Variants in PDE8A observed in about 807,000 individuals in gnomAD.
PDE8A encodes the protein phosphodiesterase 8A, also known as high affinity cAMP-specific and IBMX-insensitive 3',5'-cyclic phosphodiesterase 8A.
A neutral mutation model predicts 105.0 loss-of-function variants in PDE8A; 59 were observed. The observed-to-expected ratio is 0.56, with a 90% CI of 0.46 to 0.70. The LOEUF is 0.70. PDE8A is among the 30% of genes least tolerant of loss of function. PDE8A has a pLI of 0.00. For synonymous variants in PDE8A, 355 were observed against 371.9 expected (o/e 0.95, Z 0.52); for missense variants, 1,014 against 1,045.9 (o/e 0.97, Z 0.42).
chr15:85,034,545 C>G (rs2080671300), intron 1 of PDE8A, among the ~76,000 whole-genome samples: 1 of 152,104 alleles, frequency 6.6e-6, no homozygotes, highest in Admixed American at 6.5e-5. Context: ...GAGTGCTGTT[C>G]CCTCATCGTT....
At chr15:85,076,408 TAAAAA>T (rs772331817) in intron 4 of PDE8A, among the ~76,000 whole-genome samples, 1 of 148,100 alleles carries the variant, frequency 6.8e-6, no homozygotes, top group African/African-American at 2.5e-5. Context: ...AGAAAGGAAT[TAAAAA>T]AAAAACCTGG....
rs929128427 is a variant in PDE8A, at chr15:85,042,623, A to T, written c.187-21747A>T. Among the ~76,000 whole-genome samples, 6 of 152,212 alleles carry T rather than the reference A, an allele frequency of 3.9e-5. 1 individual carries two copies. Among genetic ancestry groups the T allele is most frequent in the South Asian group, 2.1e-4 (1 of 4,828 alleles). On this transcript the variant is annotated intron_variant, in intron 1 of 21. Coordinates refer to ENST00000394553, the MANE Select transcript of PDE8A (RefSeq NM_002605.3). ...CACTTTCTACCCAAAGCTATGACAGAGATAGCATGTTTAGCTTCCCTACCT... is the reference window on the plus strand; with the variant it reads ...CACTTTCTACCCAAAGCTATGACAGTGATAGCATGTTTAGCTTCCCTACCT...
chr15:85,127,630 C>T (rs974187847), intron 20 of PDE8A, among the ~76,000 whole-genome samples: 2 of 152,114 alleles, frequency 1.3e-5, no homozygotes, highest in African/African-American at 4.8e-5. Flanking sequence ...ATGACCAGAA[C>T]TTTACAGTGA....
chr15:85,008,212 G>T (rs1025316043), intron 1 of PDE8A, among the ~76,000 whole-genome samples: 2 of 151,892 alleles, frequency 1.3e-5, no homozygotes, highest in African/African-American at 2.4e-5. Flanking sequence ...CCTATTCCAG[G>T]ACTTTCCCTA....
At chr15:85,005,537 TC>T (rs2080132634) in intron 1 of PDE8A, among the ~76,000 whole-genome samples, 1 of 152,220 alleles carries the variant, frequency 6.6e-6, no homozygotes, top group South Asian at 2.1e-4. Context: ...CCCCTGGTGT[TC>T]CTAAAAGAAC....
At chr15:85,009,058 C>T (rs1222209858) in intron 1 of PDE8A, among the ~76,000 whole-genome samples, 2 of 151,604 alleles carry the variant, frequency 1.3e-5, no homozygotes, top group African/African-American at 2.4e-5. Context: ...CAACTTCTGA[C>T]CTTTTTCTTC....
rs916128700 is a variant in PDE8A at position 85,100,261 on chromosome 15, G to A, written c.1036+63G>A. 5.0e-6 allele frequency: 7 copies of A among 1,392,662 alleles called. No individual in the cohort carries two copies. In the African/African-American group the frequency reaches 8.6e-5, roughly 17 times the overall value. 86.3% of individuals were successfully genotyped at this position (1,392,662 alleles called of 1,614,324 possible). A position where few individuals can be genotyped will look rare whatever the true frequency, so the allele number is the denominator to read the frequency against. On this transcript the variant is annotated intron_variant, in intron 11 of 21. Coordinates refer to ENST00000394553, the MANE Select transcript of PDE8A (RefSeq NM_002605.3). Reference sequence around the variant, plus strand: ...TTTTTGGAGAAAAAAAATAAAAACAGATCTTTAACTAGCTTGCCTGGTGTA... The same window carrying A: ...TTTTTGGAGAAAAAAAATAAAAACAAATCTTTAACTAGCTTGCCTGGTGTA...
chr15:85,102,148 G>T (rs929024484), intron 11 of PDE8A, among the ~76,000 whole-genome samples: 1 of 152,094 alleles, frequency 6.6e-6, no homozygotes, highest in African/African-American at 2.4e-5. Flanking sequence ...GAGGAGGGGT[G>T]AGGTGGATTC....
intron 12 of PDE8A, among the ~76,000 whole-genome samples, chr15:85,113,022 G>A (rs3816106): frequency 0.55 from 82,851 of 151,996 alleles, 23,727 homozygotes; most frequent in African/African-American, 0.74. Flanking sequence ...ATTGTCTTCC[G>A]GAACATTTTT....
At chr15:85,041,737 T>C (rs2080811402) in intron 1 of PDE8A, among the ~76,000 whole-genome samples, 1 of 152,186 alleles carries the variant, frequency 6.6e-6, no homozygotes, top group Admixed American at 6.5e-5. Context: ...TTAGGTTTCC[T>C]AAACCTTCAG....
intron 6 of PDE8A, among the ~76,000 whole-genome samples, chr15:85,084,497 A>G (rs1298175869): frequency 6.6e-6 from 1 of 152,188 alleles, no homozygotes; most frequent in Non-Finnish European, 1.5e-5. Flanking sequence ...CTTAAGGTAG[A>G]TGGTTGCCCT....
chr15:85,094,571 C>T (rs745703242), intron 8 of PDE8A, among the ~76,000 whole-genome samples: 2 of 152,232 alleles, frequency 1.3e-5, no homozygotes, highest in African/African-American at 2.4e-5. Flanking sequence ...GGTTTTCTCT[C>T]ATCTCCCAAA....
At chr15:85,112,944 G>A (rs980301808) in intron 12 of PDE8A, among the ~76,000 whole-genome samples, 1 of 152,158 alleles carries the variant, frequency 6.6e-6, no homozygotes, top group African/African-American at 2.4e-5. Context: ...AGAAATTTGT[G>A]TATTTCAGTT....
chr15:85,120,630 CTG>C (rs754382417), intron 17 of PDE8A, 165 bp from the exon 18 acceptor site: 14 of 559,504 alleles, frequency 2.5e-5, no homozygotes, highest in South Asian at 7.5e-5. Context: ...AGAAATATAA[CTG>C]TTTCAGGGTG....
At chr15:85,126,828 A>C (rs2082265918) in intron 20 of PDE8A, among the ~76,000 whole-genome samples, 1 of 152,204 alleles carries the variant, frequency 6.6e-6, no homozygotes, top group East Asian at 1.9e-4. Flanking sequence ...AACAGGCTAA[A>C]GATAAATCTT....
At position 85,075,852 on chromosome 15, in the gene PDE8A, T is replaced by G. The variant is rs762160523; in HGVS notation, c.435-10T>G. On this transcript the variant is annotated splice_polypyrimidine_tract_variant and intron_variant, in intron 3 of 21. Coordinates refer to ENST00000394553, the MANE Select transcript of PDE8A (RefSeq NM_002605.3). ...TTATATTTATTTTAAAGTTTTGTGT[T>G]TTTTTTAAGGTCTATCAGATCATCA... is the stretch of plus-strand genomic sequence containing the variant. 1.4e-6 allele frequency: 2 copies of G among 1,458,054 alleles called. No individual in the cohort carries two copies. Among genetic ancestry groups the G allele is most frequent in the South Asian group, 1.2e-5 (1 of 80,034 alleles). The allele number at this position is 1,458,054 out of a possible 1,614,324, so 90.3% of individuals were successfully genotyped here.
At chr15:85,070,550 A>G (rs1325509594) in intron 3 of PDE8A, among the ~76,000 whole-genome samples, 1 of 152,210 alleles carries the variant, frequency 6.6e-6, no homozygotes, top group Non-Finnish European at 1.5e-5. Flanking sequence ...TGCATCTTAA[A>G]GGATGAGCAG....
intron 1 of PDE8A, among the ~76,000 whole-genome samples, chr15:85,027,555 T>G (rs2080538861): frequency 6.6e-6 from 1 of 152,210 alleles, no homozygotes; most frequent in South Asian, 2.1e-4. Context: ...TGCGTTTAGT[T>G]ATTCCTACCC....
chr15:85,025,885 C>G (rs1430684050), intron 1 of PDE8A, among the ~76,000 whole-genome samples: 2 of 152,172 alleles, frequency 1.3e-5, no homozygotes, highest in African/African-American at 4.8e-5. Context: ...AGTCTCACGC[C>G]TTTTTGATGC....
Sources: allele counts gnomAD v4.1 joint callset (sites outside exome capture counted in the v4.1 genomes callset), GRCh38; gene constraint gnomAD v4.1.1; transcripts MANE v1.5; gene names NCBI Gene and HGNC (gene_info 2026-07-23, HGNC 2026-07-21).